Variants in TTBK1 observed in about 807,000 individuals in gnomAD.
The protein encoded by TTBK1 is tau-tubulin kinase 1.
Under a neutral mutation model 108.5 loss-of-function variants are expected in TTBK1, and 34 were observed. The ratio of observed to expected loss-of-function variants is 0.31; its 90% CI spans 0.24 to 0.42. The LOEUF is 0.42. Ranked by LOEUF, TTBK1 falls within the 10% of genes least tolerant of loss-of-function variation. The probability of loss-of-function intolerance (pLI) is 1.00; values close to 1 mark genes in which losing one functional copy is unlikely to be tolerated. For synonymous variants in TTBK1, 809 were observed against 795.1 expected (o/e 1.02, Z -0.29); for missense variants, 1,539 against 1,826.0 (o/e 0.84, Z 2.86).
Position 43,285,285 on chromosome 6 carries a change from C to T in TTBK1, c.3875C>T (p.Ser1292Phe). ...QPDGTPSPGG[S>F]KKGPRGKLQA... is the part of the protein sequence containing the mutation. ...GATGGCACCCCCTCCCCCGGGGGCT[C>T]CAAGAAAGGACCCAGAGGGAAACTC... Residue 1292 changes from serine to phenylalanine, a missense_variant, in exon 15 of 15, where the codon TCC becomes TTC. Coordinates refer to ENST00000259750, the MANE Select transcript of TTBK1 (RefSeq NM_032538.3). This position sits in a 1 kb window ranked among gnomAD's most constrained non-coding sequence, Gnocchi z 4.7. The T allele has an allele frequency of 3.1e-6, 4 of 1,292,106 alleles. No individual in the cohort carries two copies. Among genetic ancestry groups the T allele is most frequent in the Non-Finnish European group, 3.9e-6 (4 of 1,023,828 alleles). The allele number at this position is 1,292,106 out of a possible 1,614,324, so 80.0% of individuals were successfully genotyped here.
intron 12 of TTBK1, among the ~76,000 whole-genome samples, chr6:43,262,240 G>C (rs923909484): frequency 1.3e-5 from 2 of 152,208 alleles, no homozygotes; most frequent in Admixed American, 6.5e-5. Context: ...GGGCCGGGGA[G>C]TCACTGGAGT....
At chr6:43,246,483 C>T in intron 1 of TTBK1, 124 bp from the exon 2 acceptor site, 1 of 535,640 alleles carries the variant, frequency 1.9e-6, no homozygotes, top group African/African-American at 1.9e-5. Context: ...CCTGGTAACT[C>T]CTGGAGCATC....
rs200815594 is a variant in TTBK1 at position 43,253,565 on chromosome 6, C to T, written c.331-3C>T. 1.2e-4 allele frequency: 195 copies of T among 1,603,942 alleles called. 1 individual carries two copies. In the Middle Eastern group the frequency reaches 4.2e-3, roughly 34 times the overall value. On this transcript the variant is annotated splice_polypyrimidine_tract_variant and splice_region_variant and intron_variant, in intron 4 of 14. Transcript: ENST00000259750. The surrounding 1 kb of genome is among the most constrained non-coding windows in gnomAD (Gnocchi z 5.8). ...TCTACCCCCCACCTCCACCCCCATG[C>T]AGGGCCGGAACCTGGCCGACCTGCG...
chr6:43,283,037 A>G lies in TTBK1; in HGVS notation c.2297A>G (p.Glu766Gly). 1 of 1,589,838 alleles carries G rather than the reference A, an allele frequency of 6.3e-7. No individual in the cohort carries two copies. Among genetic ancestry groups the G allele is most frequent in the Non-Finnish European group, 8.6e-7 (1 of 1,167,354 alleles). The change falls in exon 14 of 15, where the codon GAG becomes GGG. Residue 766 changes from glutamate (E) to glycine (G), a missense_variant. Coordinates refer to ENST00000259750, the MANE Select transcript of TTBK1 (RefSeq NM_032538.3). This position sits in a 1 kb window ranked among gnomAD's most constrained non-coding sequence, Gnocchi z 8.1. ...EEEEEEEEEE[E>G]EEEEEAAAAV... is the part of the protein sequence containing the mutation. ...GAGGAGGAGGAAGAAGAGGAGGAGG[A>G]GGAAGAGGAGGAGGAGGCTGCAGCG...
At chr6:43,272,948 GT>G (rs1582508605) in intron 13 of TTBK1, among the ~76,000 whole-genome samples, 1 of 152,140 alleles carries the variant, frequency 6.6e-6, no homozygotes, top group East Asian at 1.9e-4. Flanking sequence ...TGAAAGTGGT[GT>G]TTTCGCACTT....
In TTBK1 at chr6:43,283,834, C is replaced by T. The variant is rs868160400; in HGVS notation, c.3094C>T (p.Pro1032Ser). ...GCCAGCCCCGGTGTCCCCGCTGGAGCCAAGCCCTGAGAAAGTGGCCACCAT... is the reference window on the plus strand; with the variant it reads ...GCCAGCCCCGGTGTCCCCGCTGGAGTCAAGCCCTGAGAAAGTGGCCACCAT... ...DGPAPVSPLE[P>S]SPEKVATISP... Residue 1032 changes from proline (P) to serine (S), a missense_variant, in exon 14 of 15, where the codon CCA (proline) becomes TCA (serine). Transcript: ENST00000259750. This position sits in a 1 kb window ranked among gnomAD's most constrained non-coding sequence, Gnocchi z 8.1. 1 of 1,610,462 alleles carries T rather than the reference C, an allele frequency of 6.2e-7. No homozygotes were observed. The highest frequency in any genetic ancestry group is 1.7e-4 in the Middle Eastern group (1 of 6,046).
rs924796150 is a variant in TTBK1 at position 43,288,118 on chromosome 6, G to A, written c.*2742G>A. 2 of 152,696 alleles carry A rather than the reference G, an allele frequency of 1.3e-5. No homozygotes were observed. The highest frequency in any genetic ancestry group is 4.8e-5 in the African/African-American group (2 of 41,440). 9.5% of individuals were successfully genotyped at this position (152,696 alleles called of 1,614,324 possible). A position where few individuals can be genotyped will look rare whatever the true frequency, so the allele number is the denominator to read the frequency against. On this transcript the variant is annotated 3_prime_UTR_variant, in exon 15 of 15. Coordinates refer to ENST00000259750, the MANE Select transcript of TTBK1 (RefSeq NM_032538.3). This position sits in a 1 kb window ranked among gnomAD's most constrained non-coding sequence, Gnocchi z 4.4. Reference sequence around the variant, plus strand: ...AACAGAATGTAACACCCCTCCCCAAGCCCTTCCCAGTCACTGCATGGCCTC... The same window carrying A: ...AACAGAATGTAACACCCCTCCCCAAACCCTTCCCAGTCACTGCATGGCCTC...
intron 2 of TTBK1, among the ~76,000 whole-genome samples, chr6:43,248,968 G>T (rs1326397896): frequency 6.6e-6 from 1 of 152,146 alleles, no homozygotes; most frequent in East Asian, 1.9e-4. Flanking sequence ...ATTATCTCAA[G>T]AACTTACCAA....
chr6:43,279,181 G>A (rs1778082300), intron 13 of TTBK1, among the ~76,000 whole-genome samples: 1 of 152,158 alleles, frequency 6.6e-6, no homozygotes, highest in Non-Finnish European at 1.5e-5. Flanking sequence ...GGAGGGGAGG[G>A]CTTGGAGGCA....
At chr6:43,275,575 A>C (rs1435911399) in intron 13 of TTBK1, among the ~76,000 whole-genome samples, 1 of 140,380 alleles carries the variant, frequency 7.1e-6, no homozygotes, top group African/African-American at 2.8e-5. Flanking sequence ...CCGTTACCTC[A>C]CTGCCCGTCG....
intron 13 of TTBK1, chr6:43,270,143 A>C (rs1050103991): frequency 3.0e-6 from 4 of 1,355,622 alleles, no homozygotes; most frequent in Non-Finnish European, 3.8e-6. Flanking sequence ...TCTCCGTCCC[A>C]CCTCCCCATC....
Position 43,259,078 on chromosome 6 carries a change from G to A in TTBK1, c.1057G>A (p.Glu353Lys). ...VTPVPGDLLR[E>K]NTEDVLQGEH... ...GCCAGTGCCTGGGGACCTGCTCCGG[G>A]AGAACACCGAGGATGTGCTACAGGG... Residue 353 changes from glutamate (E) to lysine (K), a missense_variant, in exon 11 of 15, where the codon GAG becomes AAG. Glu to Lys is a moderately conservative substitution (Grantham distance 56). This residue lies in a region of TTBK1 where 277 missense variants were observed against 332.4 expected (regional missense o/e 0.83). Transcript: ENST00000259750. This position sits in a 1 kb window ranked among gnomAD's most constrained non-coding sequence, Gnocchi z 6.7. 6.2e-7 allele frequency: 1 copy of A among 1,614,006 alleles called. No individual in the cohort carries two copies. The highest frequency in any genetic ancestry group is 1.1e-5 in the South Asian group (1 of 91,074).
At chr6:43,249,249 T>C (rs987283233) in intron 2 of TTBK1, among the ~76,000 whole-genome samples, 12 of 152,138 alleles carry the variant, frequency 7.9e-5, no homozygotes, top group African/African-American at 2.9e-4. Flanking sequence ...CACCCAGAGC[T>C]GGCCAAGAAA....
chr6:43,285,575 GC>G lies in TTBK1; in HGVS notation c.*203del, dbSNP rs1340189192. On this transcript the variant is annotated 3_prime_UTR_variant, in exon 15 of 15. Coordinates refer to ENST00000259750, the MANE Select transcript of TTBK1 (RefSeq NM_032538.3). This position sits in a 1 kb window ranked among gnomAD's most constrained non-coding sequence, Gnocchi z 4.7. ...GGCCTTAGGGCCCGTGGGGGACGCG[GC>G]CCCGCGCCGCGGGGAGGGTCTGCCT... 1 of 577,242 alleles carries G rather than the reference GC, an allele frequency of 1.7e-6. No homozygotes were observed. The highest frequency in any genetic ancestry group is 2.5e-6 in the Non-Finnish European group (1 of 403,172). The allele number at this position is 577,242 out of a possible 1,614,324, so 35.8% of individuals were successfully genotyped here. A position where few individuals can be genotyped will look rare whatever the true frequency, so the allele number is the denominator to read the frequency against.
intron 10 of TTBK1, among the ~76,000 whole-genome samples, chr6:43,258,566 A>T (rs1205928273): frequency 6.6e-6 from 1 of 151,666 alleles, no homozygotes; most frequent in Non-Finnish European, 1.5e-5. Flanking sequence ...TGCTTAAAGA[A>T]CTCGAAAGTT....
Position 43,269,857 on chromosome 6 carries a change from T to G in TTBK1, c.1986+6507T>G. On this transcript the variant is annotated intron_variant, in intron 13 of 14. Coordinates refer to ENST00000259750, the MANE Select transcript of TTBK1 (RefSeq NM_032538.3). This position sits in a 1 kb window ranked among gnomAD's most constrained non-coding sequence, Gnocchi z 4.8. ...GCGCCCCACCGGCGCCACGCGCCCC[T>G]CGCTGCTGGCAACCACAGACTCATG... 1.3e-6 allele frequency: 2 copies of G among 1,533,742 alleles called. No individual in the cohort carries two copies. The highest frequency in any genetic ancestry group is 1.7e-6 in the Non-Finnish European group (2 of 1,145,486).
In TTBK1 at chr6:43,282,222, C is replaced by T. The variant is rs1358499669; in HGVS notation, c.1987-505C>T. Among the ~76,000 whole-genome samples the T allele has an allele frequency of 1.3e-5, 2 of 152,160 alleles. No homozygotes were observed. The highest frequency in any genetic ancestry group is 2.9e-5 in the Non-Finnish European group (2 of 68,028). On this transcript the variant is annotated intron_variant, in intron 13 of 14. Transcript: ENST00000259750. The surrounding 1 kb of genome is among the most constrained non-coding windows in gnomAD (Gnocchi z 5.4). ...AGAAACTGCACACCCTGAGGTGGTA[C>T]TGAGGGCATCTAGGAGCCAGCCCGG...
rs754522853 is a variant in TTBK1 at position 43,257,805 on chromosome 6, C to A, written c.862-7C>A. 3.7e-6 allele frequency: 6 copies of A among 1,612,196 alleles called. No homozygotes were observed. The Admixed American group carries it at 1.0e-4, about 27-fold the overall frequency. On this transcript the variant is annotated splice_polypyrimidine_tract_variant and splice_region_variant and intron_variant, in intron 9 of 14. Coordinates refer to ENST00000259750, the MANE Select transcript of TTBK1 (RefSeq NM_032538.3). This position sits in a 1 kb window ranked among gnomAD's most constrained non-coding sequence, Gnocchi z 4.5. Reference sequence around the variant, plus strand: ...CTCTGTCCTCCCATCACCCTCACCCCCTGCAGTTGATCATGTCAGTGTTTG... The same window carrying A: ...CTCTGTCCTCCCATCACCCTCACCCACTGCAGTTGATCATGTCAGTGTTTG...
intron 2 of TTBK1, among the ~76,000 whole-genome samples, chr6:43,247,561 C>T (rs1317234419): frequency 1.3e-5 from 2 of 151,708 alleles, no homozygotes; most frequent in Non-Finnish European, 2.9e-5. Flanking sequence ...CGTGTGTGAG[C>T]CTGTGGGACT....
Sources: gnomAD v4.1 joint callset for allele counts (sites outside exome capture counted in the v4.1 genomes callset) on GRCh38, gnomAD v4.1.1 for gene constraint, gnomAD v4.1.1 regional missense constraint, Gnocchi (gnomAD v3.1) non-coding constraint, MANE v1.5 for transcripts, NCBI Gene and HGNC (gene_info 2026-07-23, HGNC 2026-07-21) for gene names.